The following SHMT1 variants were observed in gnomAD, a reference collection of about 807,000 sequenced individuals.
SHMT1 encodes serine hydroxymethyltransferase, cytosolic.
In SHMT1, 45 loss-of-function variants were observed where a neutral mutation model predicts 49.0. The observed-to-expected ratio is 0.92, with a 90% CI of 0.72 to 1.18. The LOEUF (loss-of-function observed/expected upper bound fraction) is 1.18. SHMT1 is among the 50% of genes most tolerant of loss of function. SHMT1 has a pLI of 0.00. For synonymous variants in SHMT1, 232 were observed against 246.6 expected, an observed-to-expected ratio of 0.94 and a Z score of 0.55; for missense variants, 541 against 612.4, an observed-to-expected ratio of 0.88 and a Z score of 1.23.
chr17:18,328,183 T>C lies in SHMT1; in HGVS notation c.*567A>G, dbSNP rs537160171. ...GAGGGAGGAGGCCATTTCTACACCA[T>C]ACTTTGAGCTACTGACAGCAAAACC... On this transcript the variant is annotated 3_prime_UTR_variant, in exon 12 of 12. Transcript: ENST00000316694. The C allele has an allele frequency of 1.9e-5, 3 of 159,696 alleles. No homozygotes were observed. The East Asian group carries it at 5.4e-4, about 29-fold the overall frequency. 9.9% of individuals were successfully genotyped at this position (159,696 alleles called of 1,614,324 possible).
chr17:18,357,707 G>GA (rs1346193945), intron 1 of SHMT1, among the ~76,000 whole-genome samples: 1 of 151,910 alleles, frequency 6.6e-6, no homozygotes, highest in Non-Finnish European at 1.5e-5. Context: ...TTCAAGTAAT[G>GA]AAATTGAGGC....
chr17:18,349,989 C>T (rs763742538), intron 3 of SHMT1, among the ~76,000 whole-genome samples: 2 of 150,700 alleles, frequency 1.3e-5, no homozygotes. Context: ...CATTGCACTC[C>T]ACCCTGGGCA....
At chr17:18,338,005 A>G (rs1984017488) in intron 7 of SHMT1, among the ~76,000 whole-genome samples, 1 of 150,376 alleles carries the variant, frequency 6.6e-6, no homozygotes, top group African/African-American at 2.5e-5. Flanking sequence ...CCGTCTGGGA[A>G]GTGAGGAGCG....
At chr17:18,329,608 C>G (rs1982957152) in intron 10 of SHMT1, among the ~76,000 whole-genome samples, 1 of 152,206 alleles carries the variant, frequency 6.6e-6, no homozygotes, top group African/African-American at 2.4e-5. Flanking sequence ...ACAAAGTGGT[C>G]TGATGTGCCC....
chr17:18,362,310 T>TC (rs1227795022), intron 1 of SHMT1, among the ~76,000 whole-genome samples: 2 of 152,180 alleles, frequency 1.3e-5, no homozygotes, highest in Non-Finnish European at 2.9e-5. Flanking sequence ...TTCTTTTTTT[T>TC]CTTTTCTTTC....
Position 18,328,918 on chromosome 17 carries a change from C to T in SHMT1, c.1284G>A (p.Gly428=). Residue 428 remains glycine (G), a splice_region_variant and synonymous_variant, in exon 12 of 12, where the codon GGG becomes GGA. Coordinates refer to ENST00000316694, the MANE Select transcript of SHMT1 (RefSeq NM_004169.5). ...TCTGGATCTGCAGGGTCAGCTCTAT[C>T]CCTGTGCCACAAGACACAAATGAGT... is the stretch of plus-strand genomic sequence containing the variant. The part of the protein sequence containing the change: ...FQKVAHFIHR[G]IELTLQIQSD... The T allele has an allele frequency of 6.2e-7, 1 of 1,613,752 alleles. No homozygotes were observed. Among genetic ancestry groups the T allele is most frequent in the Admixed American group, 1.7e-5 (1 of 60,016 alleles).
At chr17:18,356,331 C>G (rs918976488) in intron 1 of SHMT1, among the ~76,000 whole-genome samples, 1 of 151,856 alleles carries the variant, frequency 6.6e-6, no homozygotes, top group Non-Finnish European at 1.5e-5. Context: ...TGTCAGCCAC[C>G]GCGCCCCACC....
At chr17:18,330,788 A>G (rs1343928086) in intron 9 of SHMT1, 117 bp from the exon 10 acceptor site, 4 of 734,798 alleles carry the variant, frequency 5.4e-6, no homozygotes, top group African/African-American at 3.4e-5. Flanking sequence ...GAAGGTGAGC[A>G]CCCCCACCAC....
chr17:18,350,883 C>T (rs936952323), intron 3 of SHMT1, among the ~76,000 whole-genome samples: 1 of 151,636 alleles, frequency 6.6e-6, no homozygotes, highest in Non-Finnish European at 1.5e-5. Flanking sequence ...CAGGCACGCA[C>T]CTCCACACCC....
intron 7 of SHMT1, 131 bp from the exon 8 acceptor site, chr17:18,335,806 T>G: frequency 2.6e-6 from 2 of 774,842 alleles, no homozygotes; most frequent in South Asian, 2.8e-5. Flanking sequence ...GAGAACTGAT[T>G]TGTAACACAG....
At chr17:18,328,980 G>A (rs1425267771) in intron 11 of SHMT1, 61 bp from the exon 12 acceptor site, 3 of 1,597,582 alleles carry the variant, frequency 1.9e-6, no homozygotes, top group Non-Finnish European at 2.6e-6. Context: ...TACAATGGCT[G>A]GGGGCCGAGG....
At chr17:18,358,868 A>T (rs982880330) in intron 1 of SHMT1, among the ~76,000 whole-genome samples, 2 of 152,158 alleles carry the variant, frequency 1.3e-5, no homozygotes, top group Admixed American at 6.6e-5. Context: ...GTGGCAGTGC[A>T]TTCCAGCCTG....
chr17:18,355,851 C>A, intron 2 of SHMT1, 35 bp downstream of exon 2: 1 of 1,343,732 alleles, frequency 7.4e-7, no homozygotes, highest in Non-Finnish European at 1.1e-6. Context: ...AGGCCTCCAA[C>A]ATAAAAAAAT....
chr17:18,359,961 T>C (rs1986603466), intron 1 of SHMT1, among the ~76,000 whole-genome samples: 2 of 119,598 alleles, frequency 1.7e-5, no homozygotes, highest in Admixed American at 8.8e-5. Context: ...AAAAAAAAAT[T>C]ATTTGGCCAG....
intron 1 of SHMT1, among the ~76,000 whole-genome samples, chr17:18,362,797 C>T (rs186970722): frequency 6.6e-6 from 1 of 152,282 alleles, no homozygotes; most frequent in Admixed American, 6.5e-5. Context: ...ACATTTGTCT[C>T]CTAGAACAGG....
At chr17:18,345,971 C>G (rs1013776098) in intron 5 of SHMT1, among the ~76,000 whole-genome samples, 24 of 152,184 alleles carry the variant, frequency 1.6e-4, no homozygotes, top group Non-Finnish European at 5.9e-5. Context: ...TGTGAGCCAC[C>G]GAGCCCAGCC....
chr17:18,335,634 A>G lies in SHMT1; in HGVS notation c.856T>C (p.Tyr286His). 6.2e-7 allele frequency: 1 copy of G among 1,613,986 alleles called. No individual in the cohort carries two copies. The highest frequency in any genetic ancestry group is 8.5e-7 in the Non-Finnish European group (1 of 1,179,950). Reference protein sequence around the residue: ...VDPKTGKEILYNLESLINSAV... With the variant: ...VDPKTGKEILHNLESLINSAV... ...GAATTGATAAGAGACTCCAGGTTGT[A>G]CAGAATCTCTTTGCCAGTCTTGGGA... Residue 286 changes from tyrosine (Y) to histidine (H), a missense_variant, in exon 8 of 12, where the codon TAC (tyrosine) becomes CAC (histidine). Coordinates refer to ENST00000316694, the MANE Select transcript of SHMT1 (RefSeq NM_004169.5).
At chr17:18,358,007 G>A (rs561101540) in intron 1 of SHMT1, among the ~76,000 whole-genome samples, 22 of 150,720 alleles carry the variant, frequency 1.5e-4, no homozygotes, top group African/African-American at 4.4e-4. Context: ...AGGAACACAG[G>A]CACCCACCAC....
intron 1 of SHMT1, among the ~76,000 whole-genome samples, chr17:18,361,483 A>C (rs911585772): frequency 4.6e-5 from 7 of 150,734 alleles, no homozygotes; most frequent in African/African-American, 1.2e-4. Flanking sequence ...GTTTCAAAAA[A>C]AAAAACAAAA....
Sources: allele counts gnomAD v4.1 joint callset (sites outside exome capture counted in the v4.1 genomes callset), GRCh38; gene constraint gnomAD v4.1.1; transcripts MANE v1.5; gene names NCBI Gene and HGNC (gene_info 2026-07-23, HGNC 2026-07-21).